The following TOGARAM2 variants were observed in gnomAD, a reference collection of about 807,000 sequenced individuals.
TOGARAM2 encodes the protein TOG array regulator of axonemal microtubules protein 2.
TOGARAM2 carries 85 observed loss-of-function variants against 93.3 expected under a neutral mutation model. That is an observed-to-expected ratio of 0.91 (90% confidence interval 0.76 to 1.09). The LOEUF (loss-of-function observed/expected upper bound fraction) is 1.09, where lower values mean the gene tolerates loss of function less well. Among genes scored for constraint, TOGARAM2 ranks in the 50% least tolerant of loss-of-function variants. The pLI is 0.00. For synonymous variants in TOGARAM2, 593 were observed against 552.8 expected (o/e 1.07, Z -1.02); for missense variants, 1,277 against 1,334.5 (o/e 0.96, Z 0.67).
At chr2:29,047,717 C>A (rs1167301519) in intron 19 of TOGARAM2, 1 of 152,254 alleles carries the variant, frequency 6.6e-6, no homozygotes, top group Non-Finnish European at 1.5e-5. Context: ...TTAGCCAAGA[C>A]GTGATCAGAG....
intron 12 of TOGARAM2, among the ~76,000 whole-genome samples, 158 bp from the exon 13 acceptor site, chr2:29,023,981 T>C (rs1665147527): frequency 6.6e-6 from 1 of 151,924 alleles, no homozygotes; most frequent in Non-Finnish European, 1.5e-5. Context: ...ACAGTTTTGC[T>C]CAGAGTGGCT....
intron 1 of TOGARAM2, among the ~76,000 whole-genome samples, chr2:28,961,773 G>T (rs1176665126): frequency 6.6e-6 from 1 of 152,206 alleles, no homozygotes; most frequent in Non-Finnish European, 1.5e-5. Context: ...ATTCCCTTGT[G>T]CAGCTTCCCA....
chr2:29,003,529 A>C lies in TOGARAM2; in HGVS notation c.677A>C (p.Glu226Ala). The change falls in exon 6 of 20, where the codon GAG becomes GCG. Residue 226 changes from glutamate (E) to alanine (A), a missense_variant. Physicochemically the swap from Glu to Ala is moderately radical, Grantham distance 107. Transcript: ENST00000379558. The stretch of plus-strand genomic sequence containing the variant: ...TGGCAATACCTGCACTGCAATGATG[A>C]GAAGATGCAGAAGTCCCTGGGCGCC... ...ISWQYLHCND[E>A]KMQKSLGAIV... 6.3e-7 allele frequency: 1 copy of C among 1,586,228 alleles called. No homozygotes were observed.
intron 10 of TOGARAM2, among the ~76,000 whole-genome samples, chr2:29,019,390 G>A (rs946334623): frequency 1.3e-5 from 2 of 151,978 alleles, no homozygotes; most frequent in East Asian, 1.9e-4. Flanking sequence ...GGCTGGTCTC[G>A]AACTCTCGAC....
At chr2:28,979,536 C>A (rs925424228), upstream of TOGARAM2, among the ~76,000 whole-genome samples, 3 of 152,166 alleles carry the variant, frequency 2.0e-5, no homozygotes, top group South Asian at 6.2e-4. Flanking sequence ...GCAGGTAACA[C>A]AGGAACAAGC....
At chr2:29,051,530 T>G in intron 19 of TOGARAM2, 1 of 396,718 alleles carries the variant, frequency 2.5e-6, no homozygotes, top group Admixed American at 4.4e-5. Context: ...TTCTGACTGG[T>G]TGGTATAAGC....
intron 13 of TOGARAM2, among the ~76,000 whole-genome samples, chr2:29,025,557 C>T (rs953187003): frequency 6.6e-6 from 1 of 152,182 alleles, no homozygotes; most frequent in Non-Finnish European, 1.5e-5. Flanking sequence ...ATGGCTTGTG[C>T]ATCTGAGTCC....
chr2:29,009,609 G>A (rs1296385720), intron 6 of TOGARAM2, among the ~76,000 whole-genome samples: 4 of 152,100 alleles, frequency 2.6e-5, no homozygotes, highest in Non-Finnish European at 2.9e-5. Flanking sequence ...AGACCATGCC[G>A]GGGTTCCTGG....
At chr2:28,974,426 T>C (rs746305824) in intron 1 of TOGARAM2, among the ~76,000 whole-genome samples, 1 of 152,136 alleles carries the variant, frequency 6.6e-6, no homozygotes, top group African/African-American at 2.4e-5. Flanking sequence ...GGATTCATCC[T>C]ATGTGGGGGT....
chr2:29,004,575 AGTGT>A (rs1422744657), intron 6 of TOGARAM2, among the ~76,000 whole-genome samples: 2 of 152,082 alleles, frequency 1.3e-5, no homozygotes, highest in Non-Finnish European at 2.9e-5. Context: ...TGTGAGAGTG[AGTGT>A]GTCTGAGTGT....
At chr2:29,007,488 G>A (rs959531019) in intron 6 of TOGARAM2, among the ~76,000 whole-genome samples, 1 of 152,082 alleles carries the variant, frequency 6.6e-6, no homozygotes, top group Non-Finnish European at 1.5e-5. Flanking sequence ...AGCCATGAAA[G>A]CTCCACCCCT....
In TOGARAM2 at chr2:29,024,332, C is replaced by A; in HGVS notation, c.1811C>A (p.Thr604Asn). 1 of 1,612,116 alleles carries A rather than the reference C, an allele frequency of 6.2e-7. No individual in the cohort carries two copies. Among genetic ancestry groups the A allele is most frequent in the Non-Finnish European group, 8.5e-7 (1 of 1,179,186 alleles). Residue 604 changes from threonine to asparagine, a missense_variant, in exon 13 of 20, where the codon ACC becomes AAC. Physicochemically the swap from Thr to Asn is moderately conservative, Grantham distance 65. Transcript: ENST00000379558. The stretch of plus-strand genomic sequence containing the variant: ...CTGAGGGCTATGGTGGAGAATGTGA[C>A]CCTTGCCCGCTCCCTGGTGGTCCTC... Reference protein sequence around the residue: ...QSLRAMVENVTLARSLVVLTS... With the variant: ...QSLRAMVENVNLARSLVVLTS...
chr2:29,005,384 G>GT (rs1673664983), intron 6 of TOGARAM2, among the ~76,000 whole-genome samples: 1 of 140,952 alleles, frequency 7.1e-6, no homozygotes, highest in Admixed American at 7.4e-5. Flanking sequence ...GCATGTATGT[G>GT]GGTGCATGTA....
intron 2 of TOGARAM2, among the ~76,000 whole-genome samples, chr2:28,997,492 G>T (rs1299808945): frequency 6.6e-6 from 1 of 152,188 alleles, no homozygotes; most frequent in African/African-American, 2.4e-5. Flanking sequence ...TCTCACTGAG[G>T]ACTGAGTCAG....
rs779475776 is a variant in TOGARAM2, at chr2:29,027,024, C to G, written c.2012+13C>G. On this transcript the variant is annotated intron_variant, in intron 14 of 19. Transcript: ENST00000379558. ...ACCAGGACACCAGGTAGGGCAGGGC[C>G]AGGGGCCTGGGGGCAGAGAAGGCAA... 4 of 1,547,996 alleles carry G rather than the reference C, an allele frequency of 2.6e-6. No homozygotes were observed. In the African/African-American group the frequency reaches 4.1e-5, roughly 16 times the overall value.
At chr2:28,976,153 G>A (rs997142006) in intron 1 of TOGARAM2, among the ~76,000 whole-genome samples, 9 of 152,154 alleles carry the variant, frequency 5.9e-5, no homozygotes, top group African/African-American at 2.2e-4. Context: ...GATGGATCAC[G>A]AGGTCAGGAG....
At chr2:29,045,954 C>G (rs985319524) in intron 19 of TOGARAM2, 1 of 169,560 alleles carries the variant, frequency 5.9e-6, no homozygotes, top group African/African-American at 2.4e-5. Flanking sequence ...CCTCCTTTTT[C>G]AGACAGACCA....
At chr2:29,003,425 C>G in intron 5 of TOGARAM2, 67 bp from the exon 6 acceptor site, 1 of 1,319,872 alleles carries the variant, frequency 7.6e-7, no homozygotes, top group Non-Finnish European at 1.0e-6. Flanking sequence ...GTGTGAGGTG[C>G]CTGGAGGTGA....
Position 28,994,878 on chromosome 2 carries a change from G to T in TOGARAM2, c.28+16G>T. The T allele has an allele frequency of 6.4e-7, 1 of 1,552,052 alleles. No individual in the cohort carries two copies. Among genetic ancestry groups the T allele is most frequent in the South Asian group, 1.2e-5 (1 of 84,070 alleles). ...GTCCCCGAAGGTAAGGGGCACCATG[G>T]GAGGCCTGCTGCTGGTGTTTTCCAG... is the stretch of plus-strand genomic sequence containing the variant. On this transcript the variant is annotated intron_variant, in intron 2 of 19. Coordinates refer to ENST00000379558, the MANE Select transcript of TOGARAM2 (RefSeq NM_199280.4).
Sources: gnomAD v4.1 joint callset for allele counts (sites outside exome capture counted in the v4.1 genomes callset) on GRCh38, gnomAD v4.1.1 for gene constraint, MANE v1.5 for transcripts, NCBI Gene and HGNC (gene_info 2026-07-23, HGNC 2026-07-21) for gene names.